The following ZNF300 variants were observed in gnomAD, a reference collection of about 807,000 sequenced individuals.
ZNF300 encodes the protein kruppel-like zinc finger protein.
In ZNF300, 6 loss-of-function variants were observed where a neutral mutation model predicts 13.9. That is an observed-to-expected ratio of 0.43 (90% CI 0.24 to 0.85). The LOEUF is 0.85. Ranked by LOEUF, ZNF300 falls within the 40% of genes least tolerant of loss-of-function variation. ZNF300 has a pLI of 0.25. For missense variants in ZNF300, 662 were observed against 714.2 expected (o/e 0.93, Z 0.83); for synonymous variants, 237 against 242.2 (o/e 0.98, Z 0.20).
In ZNF300 at chr5:150,896,703, A is replaced by G. The variant is rs1455451164; in HGVS notation, c.536T>C (p.Ile179Thr). ...KIFQECIETDISIQRFHKYDA... is the reference protein window; with the variant it reads ...KIFQECIETDTSIQRFHKYDA... ...ATATTTATGGAATCTCTGTATTGAT[A>G]TATCTGTTTCTATGCACTCTTGAAA... Residue 179 changes from isoleucine to threonine, a missense_variant, in exon 6 of 6, where the codon ATA (isoleucine) becomes ACA (threonine). By Grantham distance (89) the Ile-to-Thr change is moderately conservative. Transcript: ENST00000274599. 1.2e-6 allele frequency: 2 copies of G among 1,613,504 alleles called. No homozygotes were observed.
chr5:150,898,611 A>G (rs1754884428), intron 3 of ZNF300, 57 bp from the exon 4 acceptor site: 1 of 1,521,388 alleles, frequency 6.6e-7, no homozygotes, highest in Non-Finnish European at 8.9e-7. Context: ...TTTCTGCTAT[A>G]ATGTGCACAA....
intron 3 of ZNF300, 118 bp downstream of exon 3, chr5:150,903,023 G>T: frequency 9.5e-7 from 1 of 1,053,818 alleles, no homozygotes; most frequent in Non-Finnish European, 1.4e-6. Context: ...CTCTTTCGAG[G>T]TCTTGATCTT....
Position 150,895,688 on chromosome 5 carries a change from T to C in ZNF300, c.1551A>G (p.Gly517=). The C allele has an allele frequency of 6.2e-7, 1 of 1,613,436 alleles. No homozygotes were observed. The highest frequency in any genetic ancestry group is 8.5e-7 in the Non-Finnish European group (1 of 1,179,746). ...ATTCAGTACATATATAAGGTTTTTC[T>C]CCTGTGTGAATTCTCTGATGTCCAA... ...HLIGHQRIHT[G]EKPYICTECG... The change falls in exon 6 of 6, where the codon GGA becomes GGG. Residue 517 remains glycine (G), a synonymous_variant. Transcript: ENST00000274599.
At chr5:150,903,506 A>G (rs1755054335) in intron 2 of ZNF300, 1 of 762,460 alleles carries the variant, frequency 1.3e-6, no homozygotes, top group Non-Finnish European at 2.2e-6. Context: ...CTATTTATAG[A>G]AGATTTTCAT....
At chr5:150,903,549 A>G (rs1463747169) in intron 2 of ZNF300, among the ~76,000 whole-genome samples, 1 of 152,240 alleles carries the variant, frequency 6.6e-6, no homozygotes, top group Non-Finnish European at 1.5e-5. Context: ...ATATAAGGAT[A>G]TAAGTGAAGA....
Position 150,894,577 on chromosome 5 carries a change from G to GT in ZNF300, c.*846dup, listed in dbSNP as rs976802061. On this transcript the variant is annotated 3_prime_UTR_variant, in exon 6 of 6. Transcript: ENST00000274599. ...AGAGGGAAAAGCAAGCTCAGACGTGGTTTTTACACATTAGTCTTAACATCT... is the reference window on the plus strand; with the variant it reads ...AGAGGGAAAAGCAAGCTCAGACGTGGTTTTTTACACATTAGTCTTAACATCT... 1.3e-5 allele frequency: 2 copies of GT among 152,218 alleles called. No individual in the cohort carries two copies. Among genetic ancestry groups the GT allele is most frequent in the African/African-American group, 2.4e-5 (1 of 41,416 alleles). The allele number at this position is 152,218 out of a possible 1,614,324, so 9.4% of individuals were successfully genotyped here.
rs765291036 is a variant in ZNF300, at chr5:150,895,671, C to T, written c.1568G>A (p.Cys523Tyr). The T allele has an allele frequency of 1.2e-6, 2 of 1,613,248 alleles. No homozygotes were observed. Among genetic ancestry groups the T allele is most frequent in the African/African-American group, 2.7e-5 (2 of 74,830 alleles). ...AGAGAAGGCTTTCCCACATTCAGTA[C>T]ATATATAAGGTTTTTCTCCTGTGTG... is the stretch of plus-strand genomic sequence containing the variant. ...RIHTGEKPYICTECGKAFSQK... is the reference protein window; with the variant it reads ...RIHTGEKPYIYTECGKAFSQK... The change falls in exon 6 of 6, where the codon TGT becomes TAT. Residue 523 changes from cysteine to tyrosine, a missense_variant. Coordinates refer to ENST00000274599, the MANE Select transcript of ZNF300 (RefSeq NM_052860.4).
Position 150,895,348 on chromosome 5 carries a change from A to G in ZNF300, c.*76T>C. The G allele has an allele frequency of 8.3e-7, 1 of 1,206,916 alleles. No individual in the cohort carries two copies. The highest frequency in any genetic ancestry group is 1.1e-6 in the Non-Finnish European group (1 of 883,662). The allele number at this position is 1,206,916 out of a possible 1,614,324, so 74.8% of individuals were successfully genotyped here. Reference sequence around the variant, plus strand: ...TTTATCTATTGGGATGTTGTCCCCAAGCTTATCAAATTAATTGGGTTTCTA... The same window carrying G: ...TTTATCTATTGGGATGTTGTCCCCAGGCTTATCAAATTAATTGGGTTTCTA... On this transcript the variant is annotated 3_prime_UTR_variant, in exon 6 of 6. Transcript: ENST00000274599.
intron 3 of ZNF300, among the ~76,000 whole-genome samples, chr5:150,901,284 C>T (rs1754986575): frequency 6.6e-6 from 1 of 152,062 alleles, no homozygotes; most frequent in Non-Finnish European, 1.5e-5. Flanking sequence ...CTAGGAACCA[C>T]ATTCAAAAAA....
At chr5:150,902,227 C>T in intron 3 of ZNF300, among the ~76,000 whole-genome samples, 1 of 152,086 alleles carries the variant, frequency 6.6e-6, no homozygotes, top group Non-Finnish European at 1.5e-5. Context: ...AAAGAAGGAA[C>T]AGCCTTGAAC....
chr5:150,898,628 C>A, intron 3 of ZNF300, 74 bp from the exon 4 acceptor site: 1 of 1,448,082 alleles, frequency 6.9e-7, no homozygotes, highest in Non-Finnish European at 9.3e-7. Context: ...ACAACTACAT[C>A]CACACCTAGT....
At position 150,896,844 on chromosome 5, in the gene ZNF300, CCAT is replaced by C. The variant is rs777956494; in HGVS notation, c.392_394del (p.Asp131del). 6.2e-7 allele frequency: 1 copy of C among 1,613,710 alleles called. No homozygotes were observed. Among genetic ancestry groups the C allele is most frequent in the African/African-American group, 1.3e-5 (1 of 74,996 alleles). ...ATTCTCTAGAAATCTCTGCAGCTGA[CCAT>C]CACCTTGACAGACTTTTAAAATGGA... On this transcript the variant is annotated inframe_deletion, in exon 6 of 6. Coordinates refer to ENST00000274599, the MANE Select transcript of ZNF300 (RefSeq NM_052860.4).
In ZNF300 at chr5:150,895,950, A is replaced by C. The variant is rs1561754852; in HGVS notation, c.1289T>G (p.Ile430Ser). The part of the protein sequence containing the change: ...EKSHLIIHKR[I>S]HTGEKPYKCA... ...TTTGTAGGGTTTCTCACCAGTGTGAATTCTTTTATGTATAATGAGGTGGGA... is the reference window on the plus strand; with the variant it reads ...TTTGTAGGGTTTCTCACCAGTGTGACTTCTTTTATGTATAATGAGGTGGGA... The change falls in exon 6 of 6, where the codon ATT (isoleucine) becomes AGT (serine). Residue 430 changes from isoleucine (I) to serine (S), a missense_variant. Ile to Ser is a moderately radical substitution (Grantham distance 142, BLOSUM62 -2). Coordinates refer to ENST00000274599, the MANE Select transcript of ZNF300 (RefSeq NM_052860.4). 6.2e-7 allele frequency: 1 copy of C among 1,613,446 alleles called. No individual in the cohort carries two copies. The highest frequency in any genetic ancestry group is 8.5e-7 in the Non-Finnish European group (1 of 1,179,782).
chr5:150,897,316 C>A, intron 5 of ZNF300: 1 of 192,640 alleles, frequency 5.2e-6, no homozygotes. Context: ...ATGTGCTACA[C>A]ATTCTTATTA....
intron 3 of ZNF300, among the ~76,000 whole-genome samples, chr5:150,899,339 T>C (rs1168614330): frequency 6.6e-6 from 1 of 151,964 alleles, no homozygotes; most frequent in Non-Finnish European, 1.5e-5. Context: ...CTAAAGGCCA[T>C]AAAAGTAACA....
Position 150,896,510 on chromosome 5 carries a change from A to G in ZNF300, c.729T>C (p.Asp243=). The G allele has an allele frequency of 1.2e-6, 2 of 1,613,612 alleles. No individual in the cohort carries two copies. The highest frequency in any genetic ancestry group is 2.7e-5 in the African/African-American group (2 of 75,020). Residue 243 remains aspartate, a synonymous_variant, in exon 6 of 6, where the codon GAT becomes GAC. Transcript: ENST00000274599. The part of the protein sequence containing the change: ...KIHNGVIPFD[D]NQCGNVFRNT... ...TTCTAAAAACGTTTCCACACTGATT[A>G]TCATCAAAAGGTATTACTCCATTGT...
Position 150,898,099 on chromosome 5 carries a change from C to A in ZNF300, c.228G>T (p.Trp76Cys), listed in dbSNP as rs1417404393. 1 of 1,613,578 alleles carries A rather than the reference C, an allele frequency of 6.2e-7. No individual in the cohort carries two copies. Among genetic ancestry groups the A allele is most frequent in the Non-Finnish European group, 8.5e-7 (1 of 1,179,728 alleles). ...CTGCCTGATATTCATCTGGATAGATCCAATTTGATATGTCTCCCTTTATGA... is the reference window on the plus strand; with the variant it reads ...CTGCCTGATATTCATCTGGATAGATACAATTTGATATGTCTCCCTTTATGA... ...PWIIKGDISN[W>C]IYPDEYQADG... Residue 76 changes from tryptophan (W) to cysteine (C), a missense_variant, in exon 5 of 6, where the codon TGG becomes TGT. Trp to Cys is a radical substitution (Grantham distance 215). Coordinates refer to ENST00000274599, the MANE Select transcript of ZNF300 (RefSeq NM_052860.4).
chr5:150,897,580 A>G (rs1277913102), intron 5 of ZNF300: 3 of 158,944 alleles, frequency 1.9e-5, no homozygotes, highest in Non-Finnish European at 4.1e-5. Flanking sequence ...TTTTGTTCAT[A>G]TACTCTCTCT....
At chr5:150,897,426 C>T (rs1754835230) in intron 5 of ZNF300, 1 of 156,012 alleles carries the variant, frequency 6.4e-6, no homozygotes, top group South Asian at 2.0e-4. Context: ...TAGAAAAATC[C>T]AATATCCTGC....
Sources: gnomAD v4.1 joint callset for allele counts (sites outside exome capture counted in the v4.1 genomes callset) on GRCh38, gnomAD v4.1.1 for gene constraint, MANE v1.5 for transcripts, NCBI Gene and HGNC (gene_info 2026-07-23, HGNC 2026-07-21) for gene names.